The following TRAPPC12 variants were observed in gnomAD, a reference collection of about 807,000 sequenced individuals.
TRAPPC12 encodes the protein TPR repeat protein 15.
Under a neutral mutation model 69.2 loss-of-function variants are expected in TRAPPC12, and 61 were observed. The observed-to-expected ratio is 0.88, with a 90% CI of 0.72 to 1.09. The LOEUF (loss-of-function observed/expected upper bound fraction) is 1.09. Ranked by LOEUF, TRAPPC12 falls within the 50% of genes least tolerant of loss-of-function variation. The probability of loss-of-function intolerance (pLI) is 0.00; values close to 1 mark genes in which losing one functional copy is unlikely to be tolerated. For synonymous variants in TRAPPC12, 469 were observed against 438.9 expected (o/e 1.07, Z -0.86); for missense variants, 1,101 against 1,016.4 (o/e 1.08, Z -1.13).
At chr2:3,390,626 A>C (rs1336428591) in intron 2 of TRAPPC12, among the ~76,000 whole-genome samples, 1 of 152,244 alleles carries the variant, frequency 6.6e-6, no homozygotes, top group African/African-American at 2.4e-5. Context: ...ATTTTAAGGC[A>C]ATGAAACTAT....
chr2:3,459,947 C>A, intron 7 of TRAPPC12: 2 of 439,936 alleles, frequency 4.5e-6, no homozygotes, highest in Non-Finnish European at 8.3e-6. Context: ...TGCTCCTTTT[C>A]TCAGGGTTCT....
chr2:3,438,587 C>T (rs1664018328), intron 5 of TRAPPC12, among the ~76,000 whole-genome samples: 1 of 147,956 alleles, frequency 6.8e-6, no homozygotes, highest in African/African-American at 2.5e-5. Flanking sequence ...TTAATCCCCC[C>T]ATCCCCCTGG....
At chr2:3,465,165 G>A (rs1020570107) in intron 8 of TRAPPC12, among the ~76,000 whole-genome samples, 5 of 152,354 alleles carry the variant, frequency 3.3e-5, no homozygotes, top group Middle Eastern at 3.4e-3. Context: ...CATAGAAAAC[G>A]TTTAAGAGAC....
At chr2:3,397,946 A>C (rs551159131) in intron 2 of TRAPPC12, among the ~76,000 whole-genome samples, 1 of 152,316 alleles carries the variant, frequency 6.6e-6, no homozygotes, top group African/African-American at 2.4e-5. Flanking sequence ...TCAAGAGTTC[A>C]ACTCATGTTT....
chr2:3,478,789 G>A, intron 10 of TRAPPC12, 57 bp from the exon 11 acceptor site: 1 of 1,497,000 alleles, frequency 6.7e-7, no homozygotes, highest in Non-Finnish European at 9.3e-7. Flanking sequence ...GGGTTGTGTT[G>A]GGGGACAGCA....
chr2:3,386,034 T>C (rs1205462343), intron 1 of TRAPPC12, among the ~76,000 whole-genome samples: 1 of 152,250 alleles, frequency 6.6e-6, no homozygotes, highest in African/African-American at 2.4e-5. Flanking sequence ...AATTATTGGA[T>C]GAATGTATAA....
At chr2:3,401,936 G>A (rs775072195) in intron 3 of TRAPPC12, 43 bp downstream of exon 3, 18 of 1,276,152 alleles carry the variant, frequency 1.4e-5, no homozygotes, top group Admixed American at 4.9e-5. Flanking sequence ...TTTGTGATAA[G>A]TCCTGCCTGC....
At chr2:3,430,933 C>G (rs755838384) in intron 5 of TRAPPC12, among the ~76,000 whole-genome samples, 2 of 151,826 alleles carry the variant, frequency 1.3e-5, no homozygotes, top group Non-Finnish European at 2.9e-5. Context: ...TGTGGAGGAG[C>G]TCTGCACACT....
chr2:3,460,349 C>T lies in TRAPPC12; in HGVS notation c.1677+13C>T, dbSNP rs761775252. 6 of 868,510 alleles carry T rather than the reference C, an allele frequency of 6.9e-6. No individual in the cohort carries two copies. The highest frequency in any genetic ancestry group is 1.2e-5 in the Non-Finnish European group (6 of 498,944). 53.8% of individuals were successfully genotyped at this position (868,510 alleles called of 1,614,324 possible). On this transcript the variant is annotated intron_variant, in intron 8 of 11. Transcript: ENST00000324266. Reference sequence around the variant, plus strand: ...GCTCCTGATGAAGGTACGTGGGTGGCCAAGCAGGGCTGCCATGTGATCTGG... The same window carrying T: ...GCTCCTGATGAAGGTACGTGGGTGGTCAAGCAGGGCTGCCATGTGATCTGG...
At chr2:3,430,034 C>T (rs927985537) in intron 5 of TRAPPC12, among the ~76,000 whole-genome samples, 5 of 152,166 alleles carry the variant, frequency 3.3e-5, no homozygotes, top group Admixed American at 2.0e-4. Flanking sequence ...TATACATACA[C>T]ACAGAGAAAT....
intron 5 of TRAPPC12, among the ~76,000 whole-genome samples, chr2:3,428,658 T>A (rs1663253451): frequency 6.6e-6 from 1 of 152,180 alleles, no homozygotes. Flanking sequence ...ATCTAGCAAT[T>A]TCAGTCAGTT....
chr2:3,435,160 A>C (rs1438178184), intron 5 of TRAPPC12, among the ~76,000 whole-genome samples: 2 of 151,982 alleles, frequency 1.3e-5, no homozygotes, highest in Non-Finnish European at 2.9e-5. Context: ...TTATAGGCGC[A>C]TGCCACCACG....
intron 1 of TRAPPC12, among the ~76,000 whole-genome samples, chr2:3,384,809 G>T (rs566641137): frequency 2.8e-4 from 43 of 152,244 alleles, no homozygotes; most frequent in African/African-American, 1.0e-3. Flanking sequence ...TTCTCTGCAA[G>T]AATTTTTGTA....
At chr2:3,426,362 G>A (rs541559651) in intron 5 of TRAPPC12, among the ~76,000 whole-genome samples, 2 of 152,230 alleles carry the variant, frequency 1.3e-5, no homozygotes, top group Non-Finnish European at 2.9e-5. Context: ...ACTCTCGGAC[G>A]TAGGACTCTG....
At chr2:3,415,526 C>T (rs759244356) in intron 3 of TRAPPC12, among the ~76,000 whole-genome samples, 1 of 151,522 alleles carries the variant, frequency 6.6e-6, no homozygotes, top group Non-Finnish European at 1.5e-5. Context: ...GCCTCAGCCT[C>T]CCAAGTAGCT....
At chr2:3,432,289 A>G (rs549510563) in intron 5 of TRAPPC12, among the ~76,000 whole-genome samples, 2 of 152,334 alleles carry the variant, frequency 1.3e-5, no homozygotes, top group East Asian at 1.9e-4. Flanking sequence ...ATTAAAGTGG[A>G]TGGGGCAAAC....
chr2:3,464,337 C>T (rs779313743), intron 8 of TRAPPC12, among the ~76,000 whole-genome samples: 4 of 152,142 alleles, frequency 2.6e-5, no homozygotes, highest in South Asian at 4.1e-4. Context: ...GAGCTGTACT[C>T]GAAGGTACTA....
intron 7 of TRAPPC12, among the ~76,000 whole-genome samples, chr2:3,459,422 C>T (rs1392337585): frequency 6.6e-6 from 1 of 152,208 alleles, no homozygotes; most frequent in African/African-American, 2.4e-5. Context: ...GCGCCTTCCT[C>T]CTGGTCATCC....
In TRAPPC12 at chr2:3,443,803, G is replaced by T. The variant is rs749414227; in HGVS notation, c.1442G>T (p.Arg481Leu). The change falls in exon 6 of 12, where the codon CGC (arginine) becomes CTC (leucine). Residue 481 changes from arginine to leucine, a missense_variant. Arg to Leu is a moderately radical substitution (Grantham distance 102). Coordinates refer to ENST00000324266, the MANE Select transcript of TRAPPC12 (RefSeq NM_016030.6). ...RRGSMVPFSM[R>L]ILHAELQQYL... Reference sequence around the variant, plus strand: ...GGCTCCATGGTCCCCTTCTCGATGCGCATCTTGCACGCGGAGCTTCAGCAG... The same window carrying T: ...GGCTCCATGGTCCCCTTCTCGATGCTCATCTTGCACGCGGAGCTTCAGCAG... 9.9e-6 allele frequency: 16 copies of T among 1,613,920 alleles called. No homozygotes were observed. In the Admixed American group the frequency reaches 2.3e-4, roughly 24 times the overall value.
Sources: allele counts gnomAD v4.1 joint callset (sites outside exome capture counted in the v4.1 genomes callset), GRCh38; gene constraint gnomAD v4.1.1; transcripts MANE v1.5; gene names NCBI Gene and HGNC (gene_info 2026-07-23, HGNC 2026-07-21).